Variants in LRCH1 observed in about 807,000 individuals in gnomAD.
LRCH1 encodes leucine rich repeats and calponin homology domain containing 1, also known as leucine-rich repeat and calponin homology domain-containing protein 1.
In LRCH1, 23 loss-of-function variants were observed where a neutral mutation model predicts 94.9. The observed-to-expected ratio is 0.24, with a 90% CI of 0.17 to 0.34. The LOEUF (loss-of-function observed/expected upper bound fraction) is 0.34. Among genes scored for constraint, LRCH1 ranks in the 10% least tolerant of loss-of-function variants. The probability of loss-of-function intolerance (pLI) is 1.00; values close to 1 mark genes in which losing one functional copy is unlikely to be tolerated. For synonymous variants in LRCH1, 364 were observed against 354.9 expected, an observed-to-expected ratio of 1.03 and a Z score of -0.29; for missense variants, 790 against 945.9, an observed-to-expected ratio of 0.84 and a Z score of 2.16.
chr13:46,646,198 T>C (rs549936035), intron 1 of LRCH1, among the ~76,000 whole-genome samples: 1 of 152,374 alleles, frequency 6.6e-6, no homozygotes, highest in Non-Finnish European at 1.5e-5. Flanking sequence ...TCTTGCTTCT[T>C]AATTCTTTTT....
intron 2 of LRCH1, among the ~76,000 whole-genome samples, chr13:46,652,009 T>C (rs973969588): frequency 1.1e-5 from 1 of 90,862 alleles, no homozygotes; most frequent in African/African-American, 3.6e-5. Context: ...TGCCTCAGCC[T>C]CCCAAGTAGC....
At chr13:46,719,834 C>T (rs7333782) in intron 16 of LRCH1, among the ~76,000 whole-genome samples, 36,325 of 151,556 alleles carry the variant, frequency 0.24, 4,616 homozygotes, top group East Asian at 0.5. Flanking sequence ...CCTGTCTCTA[C>T]TAAAAATACA....
chr13:46,611,609 A>C (rs1739750833), intron 1 of LRCH1, among the ~76,000 whole-genome samples: 1 of 152,204 alleles, frequency 6.6e-6, no homozygotes, highest in African/African-American at 2.4e-5. Flanking sequence ...TTTATGATAA[A>C]AGATTTCCAG....
chr13:46,573,384 C>T (rs2050261924), intron 1 of LRCH1, among the ~76,000 whole-genome samples: 1 of 152,084 alleles, frequency 6.6e-6, no homozygotes, highest in Admixed American at 6.5e-5. Flanking sequence ...TGGGTATATG[C>T]CCAAAGGAAA....
chr13:46,632,488 G>T (rs2138046919), intron 1 of LRCH1, among the ~76,000 whole-genome samples: 1 of 152,248 alleles, frequency 6.6e-6, no homozygotes, highest in East Asian at 1.9e-4. Context: ...TTTAGCATGA[G>T]ACTAATATAC....
intron 1 of LRCH1, among the ~76,000 whole-genome samples, chr13:46,623,693 G>GTTTTTTTTTTTTTTT (rs5803361): frequency 2.0e-4 from 26 of 128,474 alleles, no homozygotes; most frequent in Non-Finnish European, 3.2e-4. Flanking sequence ...CCCTGTCTCT[G>GTTTTTTTTTTTTTTT]TTTTTTTTTT....
At chr13:46,558,069 GAC>G (rs1433943629) in intron 1 of LRCH1, among the ~76,000 whole-genome samples, 1 of 151,842 alleles carries the variant, frequency 6.6e-6, no homozygotes, top group Admixed American at 6.6e-5. Flanking sequence ...ACAAAACAAA[GAC>G]TATGTGGGAA....
intron 1 of LRCH1, among the ~76,000 whole-genome samples, chr13:46,647,391 A>G (rs2051236160): frequency 6.6e-6 from 1 of 152,052 alleles, no homozygotes; most frequent in African/African-American, 2.4e-5. Context: ...CCTTTTTTTC[A>G]TATGATTAAG....
At chr13:46,708,308 G>A (rs1002342404) in intron 13 of LRCH1, among the ~76,000 whole-genome samples, 3 of 128,086 alleles carry the variant, frequency 2.3e-5, no homozygotes, top group Non-Finnish European at 4.7e-5. Context: ...GCAGAGTCTC[G>A]CTCTTGTCGC....
At position 46,553,627 on chromosome 13, in the gene LRCH1, C is replaced by T. The variant is rs1386076052; in HGVS notation, c.231C>T (p.Asn77=). The T allele has an allele frequency of 6.3e-7, 1 of 1,592,504 alleles. No homozygotes were observed. Among genetic ancestry groups the T allele is most frequent in the Non-Finnish European group, 8.5e-7 (1 of 1,170,456 alleles). The part of the protein sequence containing the change: ...LEEAANSGGL[N]LSARKLKEFP... ...AGGCGGCCAACTCCGGGGGGCTGAA[C>T]CTGAGCGCCAGGAAATTGAAGGAAT... The change falls in exon 1 of 20, where the codon AAC becomes AAT. Residue 77 remains asparagine, a synonymous_variant. Coordinates refer to ENST00000389797, the MANE Select transcript of LRCH1 (RefSeq NM_001164211.2).
chr13:46,691,692 C>CTT (rs200405998), intron 7 of LRCH1, among the ~76,000 whole-genome samples: 1 of 151,878 alleles, frequency 6.6e-6, no homozygotes, highest in African/African-American at 2.4e-5. Context: ...GTGCCATGCA[C>CTT]TTTTTTTTGT....
At chr13:46,589,593 CTTTTTTTTTTTTT>C (rs762747151) in intron 1 of LRCH1, among the ~76,000 whole-genome samples, 1 of 77,712 alleles carries the variant, frequency 1.3e-5, no homozygotes, top group Non-Finnish European at 2.4e-5. Flanking sequence ...AGTTCTCTCA[CTTTTTTTTTTTTT>C]TTTTTTTTTT....
chr13:46,675,007 G>T lies in LRCH1; in HGVS notation c.579+5851G>T, dbSNP rs571817678. ...GGGAGGAAAATGTTACAAAAAAAAAGGTTTGGTACAAATGGTCAATGTCTC... is the reference window on the plus strand; with the variant it reads ...GGGAGGAAAATGTTACAAAAAAAAATGTTTGGTACAAATGGTCAATGTCTC... On this transcript the variant is annotated intron_variant, in intron 3 of 19. Transcript: ENST00000389797. Among the ~76,000 whole-genome samples the T allele has an allele frequency of 3.3e-5, 5 of 152,182 alleles. No homozygotes were observed. In the East Asian group the frequency reaches 9.6e-4, roughly 29 times the overall value.
chr13:46,616,600 A>G (rs1187834837), intron 1 of LRCH1, among the ~76,000 whole-genome samples: 1 of 152,246 alleles, frequency 6.6e-6, no homozygotes, highest in Non-Finnish European at 1.5e-5. Flanking sequence ...ACAGGAGTAA[A>G]CAATCATTCG....
At chr13:46,634,822 G>A (rs2051063425) in intron 1 of LRCH1, among the ~76,000 whole-genome samples, 1 of 151,766 alleles carries the variant, frequency 6.6e-6, no homozygotes, top group Admixed American at 6.6e-5. Flanking sequence ...GTGAGTAAGT[G>A]AGCCAACGTG....
intron 16 of LRCH1, among the ~76,000 whole-genome samples, chr13:46,721,386 C>CT (rs1416405338): frequency 2.6e-5 from 4 of 152,070 alleles, no homozygotes; most frequent in African/African-American, 2.4e-5. Flanking sequence ...ATTTCTTGAC[C>CT]TTTTTTTGGT....
intron 1 of LRCH1, among the ~76,000 whole-genome samples, chr13:46,648,672 G>T (rs1413715083): frequency 6.6e-6 from 1 of 152,064 alleles, no homozygotes; most frequent in African/African-American, 2.4e-5. Context: ...ATATAATTGA[G>T]ATAATTGTCA....
intron 11 of LRCH1, among the ~76,000 whole-genome samples, chr13:46,702,479 G>A (rs903552588): frequency 5.9e-5 from 9 of 152,158 alleles, no homozygotes; most frequent in African/African-American, 2.2e-4. Context: ...TCCAGCCTGG[G>A]TGACAGAGTG....
chr13:46,596,435 A>G (rs966208644), intron 1 of LRCH1, among the ~76,000 whole-genome samples: 2 of 152,252 alleles, frequency 1.3e-5, no homozygotes, highest in African/African-American at 4.8e-5. Context: ...TAGTTGCAGT[A>G]TGTCTGTCAG....
Sources: gnomAD v4.1 joint callset for allele counts (sites outside exome capture counted in the v4.1 genomes callset) on GRCh38, gnomAD v4.1.1 for gene constraint, MANE v1.5 for transcripts, NCBI Gene and HGNC (gene_info 2026-07-23, HGNC 2026-07-21) for gene names.